Variants in GALNT6 observed in about 807,000 individuals in gnomAD.
GALNT6 encodes polypeptide N-acetylgalactosaminyltransferase 6, also known as GalNAc transferase 6.
A neutral mutation model predicts 65.9 loss-of-function variants in GALNT6; 51 were observed. The observed-to-expected ratio is 0.77, with a 90% CI of 0.62 to 0.98. The LOEUF (loss-of-function observed/expected upper bound fraction) is 0.98, where lower values mean the gene tolerates loss of function less well. Among genes scored for constraint, GALNT6 ranks in the 50% least tolerant of loss-of-function variants. GALNT6 has a pLI of 0.00. For synonymous variants in GALNT6, 323 were observed against 315.1 expected, an observed-to-expected ratio of 1.02 and a Z score of -0.26; for missense variants, 708 against 803.3, an observed-to-expected ratio of 0.88 and a Z score of 1.43.
chr12:51,379,936 G>A lies in GALNT6; in HGVS notation c.-103-52C>T, dbSNP rs948564763. On this transcript the variant is annotated intron_variant, in intron 2 of 11. Coordinates refer to ENST00000356317, the MANE Select transcript of GALNT6 (RefSeq NM_007210.4). The stretch of plus-strand genomic sequence containing the variant: ...AAGTGAGCCAACACAGGGTAAGGAG[G>A]GAGTCGGGTGCTTGGGGTTCGAGGC... 3.9e-6 allele frequency: 3 copies of A among 769,856 alleles called. No individual in the cohort carries two copies. The African/African-American group carries it at 5.2e-5, about 13-fold the overall frequency. The allele number at this position is 769,856 out of a possible 1,614,324, so 47.7% of individuals were successfully genotyped here. A position where few individuals can be genotyped will look rare whatever the true frequency, so the allele number is the denominator to read the frequency against.
intron 4 of GALNT6, among the ~76,000 whole-genome samples, chr12:51,376,672 G>A (rs1328042332): frequency 6.6e-6 from 1 of 151,332 alleles, no homozygotes; most frequent in African/African-American, 2.4e-5. Context: ...ACCTATGGGG[G>A]TTTTTAGTAT....
At chr12:51,366,220 A>G (rs1031180184) in intron 4 of GALNT6, among the ~76,000 whole-genome samples, 5 of 152,206 alleles carry the variant, frequency 3.3e-5, no homozygotes, top group African/African-American at 1.2e-4. Context: ...GCCCGGCCCA[A>G]GTACAAAATT....
In GALNT6 at chr12:51,391,313, C is replaced by T. The variant is rs889940481; in HGVS notation, c.-218G>A. The T allele has an allele frequency of 4.6e-5, 7 of 152,928 alleles. No individual in the cohort carries two copies. The highest frequency in any genetic ancestry group is 1.7e-4 in the African/African-American group (7 of 41,432). 9.5% of individuals were successfully genotyped at this position (152,928 alleles called of 1,614,324 possible). A position where few individuals can be genotyped will look rare whatever the true frequency, so the allele number is the denominator to read the frequency against. Reference sequence around the variant, plus strand: ...CCTCCAAGTTCCAGAGGTCTGGGCTCCTCATTCATCTCGTAAGCGCCAAGG... The same window carrying T: ...CCTCCAAGTTCCAGAGGTCTGGGCTTCTCATTCATCTCGTAAGCGCCAAGG... On this transcript the variant is annotated 5_prime_UTR_variant, in exon 1 of 12. Transcript: ENST00000356317.
intron 2 of GALNT6, among the ~76,000 whole-genome samples, chr12:51,381,194 C>T (rs1243253494): frequency 2.0e-5 from 3 of 152,174 alleles, no homozygotes; most frequent in East Asian, 1.9e-4. Context: ...GAGCTATAAT[C>T]GCACCATTGC....
intron 6 of GALNT6, among the ~76,000 whole-genome samples, chr12:51,361,496 G>A (rs2137575464): frequency 6.6e-6 from 1 of 152,260 alleles, no homozygotes; most frequent in Non-Finnish European, 1.5e-5. Flanking sequence ...AGGTGCTCCT[G>A]GAAACAGTGG....
chr12:51,368,928 GTGCT>G (rs1947199294), intron 4 of GALNT6, among the ~76,000 whole-genome samples: 1 of 152,170 alleles, frequency 6.6e-6, no homozygotes, highest in Admixed American at 6.5e-5. Flanking sequence ...GTCTGTCAAT[GTGCT>G]GCCAGGTGCC....
chr12:51,380,701 G>C (rs1592352230), intron 2 of GALNT6, among the ~76,000 whole-genome samples: 1 of 152,318 alleles, frequency 6.6e-6, no homozygotes, highest in Non-Finnish European at 1.5e-5. Context: ...TGAGGCAGGA[G>C]AGTCACTTGA....
intron 6 of GALNT6, 112 bp downstream of exon 6, chr12:51,364,009 A>AT (rs1324603056): frequency 1.3e-6 from 1 of 758,758 alleles, no homozygotes; most frequent in African/African-American, 1.7e-5. Flanking sequence ...TAATCACAAT[A>AT]TGTCAAGTGC....
intron 4 of GALNT6, among the ~76,000 whole-genome samples, chr12:51,366,338 G>C (rs928574773): frequency 6.6e-6 from 1 of 152,174 alleles, no homozygotes; most frequent in African/African-American, 2.4e-5. Context: ...CCAGTGTCTA[G>C]GATTCCCTGT....
Position 51,351,740 on chromosome 12 carries a change from T to G in GALNT6, c.*2639A>C, listed in dbSNP as rs1430226859. On this transcript the variant is annotated 3_prime_UTR_variant, in exon 12 of 12. Coordinates refer to ENST00000356317, the MANE Select transcript of GALNT6 (RefSeq NM_007210.4). The stretch of plus-strand genomic sequence containing the variant: ...CTTGACACAATACATAAGCTAGATT[T>G]AGGGCCAGAGAATGTTTGGGGACAT... The G allele has an allele frequency of 6.6e-6, 1 of 152,208 alleles. No homozygotes were observed. Among genetic ancestry groups the G allele is most frequent in the Admixed American group, 6.5e-5 (1 of 15,276 alleles). 9.4% of individuals were successfully genotyped at this position (152,208 alleles called of 1,614,324 possible). A position where few individuals can be genotyped will look rare whatever the true frequency, so the allele number is the denominator to read the frequency against.
intron 3 of GALNT6, among the ~76,000 whole-genome samples, chr12:51,378,661 C>T (rs1947541749): frequency 6.6e-6 from 1 of 152,208 alleles, no homozygotes; most frequent in Non-Finnish European, 1.5e-5. Context: ...GTGGGGAAGA[C>T]ACACTGTCTT....
intron 4 of GALNT6, among the ~76,000 whole-genome samples, chr12:51,373,199 T>TG (rs1345809606): frequency 3.3e-5 from 5 of 152,198 alleles, no homozygotes; most frequent in African/African-American, 9.7e-5. Context: ...TTTTGAAATG[T>TG]GAGGACATGA....
intron 3 of GALNT6, among the ~76,000 whole-genome samples, chr12:51,377,578 C>G (rs564723849): frequency 6.6e-6 from 1 of 152,138 alleles, no homozygotes; most frequent in Non-Finnish European, 1.5e-5. Context: ...TCTAGCCAAA[C>G]CACTCCAAAA....
chr12:51,361,118 G>A (rs536344640), intron 6 of GALNT6, among the ~76,000 whole-genome samples: 175 of 152,312 alleles, frequency 1.1e-3, no homozygotes, highest in African/African-American at 3.8e-3. Context: ...ACCAGGGCCC[G>A]TGCTACATGA....
At chr12:51,377,745 G>C (rs1381223681) in intron 3 of GALNT6, among the ~76,000 whole-genome samples, 1 of 152,170 alleles carries the variant, frequency 6.6e-6, no homozygotes, top group African/African-American at 2.4e-5. Flanking sequence ...CCAATCCAGA[G>C]GTCCCAGAGG....
chr12:51,376,664 C>T (rs1947464618), intron 4 of GALNT6, among the ~76,000 whole-genome samples: 1 of 149,608 alleles, frequency 6.7e-6, no homozygotes, highest in Non-Finnish European at 1.5e-5. Flanking sequence ...GGCTTCTGAC[C>T]TATGGGGGTT....
At chr12:51,359,086 C>A in intron 8 of GALNT6, 46 bp downstream of exon 8, 1 of 1,480,100 alleles carries the variant, frequency 6.8e-7, no homozygotes, top group Non-Finnish European at 9.4e-7. Context: ...GTCTGGGGGC[C>A]GTACTTCTCT....
At chr12:51,380,657 A>G (rs142512014) in intron 2 of GALNT6, among the ~76,000 whole-genome samples, 1,869 of 152,246 alleles carry the variant, frequency 0.012, 36 homozygotes, top group African/African-American at 0.043. Flanking sequence ...TGGGCGTGGT[A>G]GCGCATGCCT....
chr12:51,357,678 G>A (rs747712463), intron 9 of GALNT6, among the ~76,000 whole-genome samples: 2 of 152,248 alleles, frequency 1.3e-5, no homozygotes, highest in Non-Finnish European at 2.9e-5. Flanking sequence ...GAACCCCTCT[G>A]TGGGGCAGGC....
Sources: allele counts gnomAD v4.1 joint callset (sites outside exome capture counted in the v4.1 genomes callset), GRCh38; gene constraint gnomAD v4.1.1; transcripts MANE v1.5; gene names NCBI Gene and HGNC (gene_info 2026-07-23, HGNC 2026-07-21).